NEMP2: variants seen among roughly 807,000 people sequenced by gnomAD.
The protein encoded by NEMP2 is UPF0571 transmembrane protein.
NEMP2 carries 53 observed loss-of-function variants against 54.2 expected under a neutral mutation model. The observed-to-expected ratio is 0.98, with a 90% CI of 0.78 to 1.23. The LOEUF (loss-of-function observed/expected upper bound fraction) is 1.23, where lower values mean the gene tolerates loss of function less well. Among genes scored for constraint, NEMP2 ranks in the 50% most tolerant of loss-of-function variants. The pLI, the probability that NEMP2 is intolerant of heterozygous loss-of-function variation, is 0.00. For missense variants in NEMP2, 455 were observed against 511.3 expected, an observed-to-expected ratio of 0.89 and a Z score of 1.06; for synonymous variants, 197 against 190.3, an observed-to-expected ratio of 1.04 and a Z score of -0.29.
At chr2:190,491,258 G>A in the NEMP2 span, among the ~76,000 whole-genome samples, 3 of 152,198 alleles carry the variant, frequency 2.0e-5, no homozygotes, top group African/African-American at 7.2e-5. This position sits in a 1 kb window ranked among gnomAD's most constrained non-coding sequence, Gnocchi z 4.2. Flanking sequence ...AAAATGGCAA[G>A]ATAGGAGGCA....
At chr2:190,623,725 G>C in the NEMP2 span, among the ~76,000 whole-genome samples, 1 of 152,078 alleles carries the variant, frequency 6.6e-6, no homozygotes, top group Non-Finnish European at 1.5e-5. Flanking sequence ...GAAAACATTG[G>C]GGGAAATGCT....
At chr2:190,569,132 GC>G in the NEMP2 span, among the ~76,000 whole-genome samples, 1 of 152,204 alleles carries the variant, frequency 6.6e-6, no homozygotes, top group South Asian at 2.1e-4. Context: ...GAAAAGGGCT[GC>G]TCTTTGTCTT....
At chr2:190,468,104 CT>C in the NEMP2 span, among the ~76,000 whole-genome samples, 2 of 151,458 alleles carry the variant, frequency 1.3e-5, no homozygotes, top group Non-Finnish European at 2.9e-5. Context: ...TTTCCTGTGG[CT>C]TTTTTTTTCC....
chr2:190,424,602 G>A, the NEMP2 span, among the ~76,000 whole-genome samples: 1 of 152,148 alleles, frequency 6.6e-6, no homozygotes, highest in East Asian at 1.9e-4. This position sits in a 1 kb window ranked among gnomAD's most constrained non-coding sequence, Gnocchi z 5.9. Context: ...CCAAAGTGCT[G>A]GGATTACAGG....
Position 190,513,856 on chromosome 2 carries a change from T to C in NEMP2, c.953+597A>G, listed in dbSNP as rs1690457589. On this transcript the variant is annotated intron_variant, in intron 7 of 8. Coordinates refer to ENST00000409150, the MANE Select transcript of NEMP2 (RefSeq NM_001142645.2). This position sits in a 1 kb window ranked among gnomAD's most constrained non-coding sequence, Gnocchi z 5.3. Reference sequence around the variant, plus strand: ...AATGTATGCCTATGTCTAGCAAGTATACCTCAAGGGCAAGAACCATCTCCA... The same window carrying C: ...AATGTATGCCTATGTCTAGCAAGTACACCTCAAGGGCAAGAACCATCTCCA... Among the ~76,000 whole-genome samples the C allele has an allele frequency of 6.6e-6, 1 of 152,168 alleles. No individual in the cohort carries two copies. Among genetic ancestry groups the C allele is most frequent in the Non-Finnish European group, 1.5e-5 (1 of 68,020 alleles).
At chr2:190,574,786 TC>T in the NEMP2 span, among the ~76,000 whole-genome samples, 4 of 39,506 alleles carry the variant, frequency 1.0e-4, no homozygotes, top group Non-Finnish European at 2.3e-4. Flanking sequence ...CCTCCTTCCC[TC>T]CCTTCCCTCC....
intron 7 of NEMP2, among the ~76,000 whole-genome samples, chr2:190,511,452 GTAGGAATCTAAAAATT>G (rs1204030220): frequency 1.3e-5 from 2 of 151,744 alleles, no homozygotes; most frequent in African/African-American, 4.8e-5. Flanking sequence ...CTCATAAAAT[GTAGGAATCTAAAAATT>G]TAGGAATCTA....
chr2:190,546,288 C>G, the NEMP2 span, among the ~76,000 whole-genome samples: 2 of 151,952 alleles, frequency 1.3e-5, no homozygotes, highest in Admixed American at 6.6e-5. The surrounding 1 kb of genome is among the most constrained non-coding windows in gnomAD (Gnocchi z 5.1). Flanking sequence ...CCTTGTTAGT[C>G]CCTAAACAAT....
rs1022427034 is a variant in NEMP2, at chr2:190,516,530, T to G, written c.613-146A>C. 2.3e-5 allele frequency: 14 copies of G among 611,734 alleles called. No homozygotes were observed. The Admixed American group carries it at 4.2e-4, about 19-fold the overall frequency. The allele number at this position is 611,734 out of a possible 1,614,324, so 37.9% of individuals were successfully genotyped here. A position where few individuals can be genotyped will look rare whatever the true frequency, so the allele number is the denominator to read the frequency against. On this transcript the variant is annotated intron_variant, in intron 5 of 8. Coordinates refer to ENST00000409150, the MANE Select transcript of NEMP2 (RefSeq NM_001142645.2). ...TAAGAAACTCCCTAGGGTCTTAAGG[T>G]GTGGTCCACAAATCAGCAACACCGA...
chr2:190,513,368 A>T lies in NEMP2; in HGVS notation c.953+1085T>A, dbSNP rs1481842233. On this transcript the variant is annotated intron_variant, in intron 7 of 8. Transcript: ENST00000409150. The surrounding 1 kb of genome is among the most constrained non-coding windows in gnomAD (Gnocchi z 5.3). ...GAGCAATCAGCTCAAGCTGAGTGGT[A>T]ACAGCCCCGTTTTCAATGAGGTTGC... Among the ~76,000 whole-genome samples, 1 of 152,200 alleles carries T rather than the reference A, an allele frequency of 6.6e-6. No individual in the cohort carries two copies. Among genetic ancestry groups the T allele is most frequent in the Non-Finnish European group, 1.5e-5 (1 of 68,044 alleles).
the NEMP2 span, among the ~76,000 whole-genome samples, chr2:190,552,082 C>T: frequency 6.6e-6 from 1 of 152,218 alleles, no homozygotes; most frequent in Non-Finnish European, 1.5e-5. Context: ...GTCTTTGTAG[C>T]AGACCTTTTG....
the NEMP2 span, among the ~76,000 whole-genome samples, chr2:190,565,899 C>G: frequency 6.6e-6 from 1 of 152,202 alleles, no homozygotes; most frequent in Non-Finnish European, 1.5e-5. Context: ...AGACTTCCAG[C>G]CACCAGAACT....
the NEMP2 span, among the ~76,000 whole-genome samples, chr2:190,448,336 A>G: frequency 6.6e-6 from 1 of 152,228 alleles, no homozygotes; most frequent in Admixed American, 6.5e-5. Flanking sequence ...ACTCATACAC[A>G]TGCAGAAAGA....
chr2:190,466,147 T>C, the NEMP2 span, among the ~76,000 whole-genome samples: 1 of 152,182 alleles, frequency 6.6e-6, no homozygotes, highest in Non-Finnish European at 1.5e-5. Context: ...ACCAGTTATA[T>C]TGGATTAGGA....
In NEMP2 at chr2:190,533,814, T is replaced by C. The variant is rs1691248808; in HGVS notation, c.97+745A>G. On this transcript the variant is annotated intron_variant, in intron 1 of 8. Coordinates refer to ENST00000409150, the MANE Select transcript of NEMP2 (RefSeq NM_001142645.2). This position sits in a 1 kb window ranked among gnomAD's most constrained non-coding sequence, Gnocchi z 4.3. ...ACAGAAATGTGAAGCTCATGGTAAG[T>C]TAGCGGCAGGTCTGGAGTTGGAACT... Among the ~76,000 whole-genome samples the C allele has an allele frequency of 6.6e-6, 1 of 151,682 alleles. No individual in the cohort carries two copies. Among genetic ancestry groups the C allele is most frequent in the East Asian group, 1.9e-4 (1 of 5,194 alleles).
Position 190,530,903 on chromosome 2 carries a change from C to T in NEMP2, c.97+3656G>A, listed in dbSNP as rs1451055659. On this transcript the variant is annotated intron_variant, in intron 1 of 8. Coordinates refer to ENST00000409150, the MANE Select transcript of NEMP2 (RefSeq NM_001142645.2). This position sits in a 1 kb window ranked among gnomAD's most constrained non-coding sequence, Gnocchi z 4.6. ...AACGGGCCAGGTGCTGAGGCTCATG[C>T]CTGTAATCCCAGCACTTTGGGAGGC... 2.0e-5 allele frequency among the ~76,000 whole-genome samples: 3 copies of T among 152,204 alleles called. No homozygotes were observed. The highest frequency in any genetic ancestry group is 6.5e-5 in the Admixed American group (1 of 15,286).
the NEMP2 span, among the ~76,000 whole-genome samples, chr2:190,449,445 G>A: frequency 2.2e-4 from 34 of 152,108 alleles, no homozygotes; most frequent in African/African-American, 6.7e-4. Context: ...CTGCACACCC[G>A]CCTAGGTGAC....
the NEMP2 span, among the ~76,000 whole-genome samples, chr2:190,597,472 A>G: frequency 6.6e-6 from 1 of 151,946 alleles, no homozygotes; most frequent in Non-Finnish European, 1.5e-5. The surrounding 1 kb of genome is among the most constrained non-coding windows in gnomAD (Gnocchi z 4.7). Flanking sequence ...ACTTTCTTGG[A>G]AAAAAAATGT....
chr2:190,432,746 A>G, the NEMP2 span, among the ~76,000 whole-genome samples: 2 of 152,120 alleles, frequency 1.3e-5, no homozygotes, highest in Non-Finnish European at 2.9e-5. Flanking sequence ...TTCCAGAGGA[A>G]AATAACCTGC....
Sources: allele counts gnomAD v4.1 joint callset (sites outside exome capture counted in the v4.1 genomes callset), GRCh38; gene constraint gnomAD v4.1.1; non-coding constraint Gnocchi (gnomAD v3.1); transcripts MANE v1.5; gene names NCBI Gene and HGNC (gene_info 2026-07-23, HGNC 2026-07-21).